The following CEP104 variants were observed in gnomAD, a reference collection of about 807,000 sequenced individuals.
CEP104 encodes the protein centrosomal protein of 104 kDa.
In CEP104, 84 loss-of-function variants were observed where a neutral mutation model predicts 113.3. The ratio of observed to expected loss-of-function variants is 0.74; its 90% CI spans 0.62 to 0.89. The LOEUF (loss-of-function observed/expected upper bound fraction) is 0.89, where lower values mean the gene tolerates loss of function less well. CEP104 is among the 40% of genes least tolerant of loss of function. The pLI is 0.00. For synonymous variants in CEP104, 378 were observed against 421.7 expected (o/e 0.90, Z 1.27); for missense variants, 1,053 against 1,156.6 (o/e 0.91, Z 1.30).
Position 3,823,423 on chromosome 1 carries a change from C to T in CEP104, c.2503+1G>A, listed in dbSNP as rs756171105. The T allele has an allele frequency of 2.1e-5, 34 of 1,614,108 alleles. No homozygotes were observed. Among genetic ancestry groups the T allele is most frequent in the African/African-American group, 4.0e-5 (3 of 74,926 alleles). ...ACGGGAGCCTGGGAAGGGGCACTCA[C>T]GGTTGCAATCCTTGTGTTTTATGTG... On this transcript the variant is annotated splice_donor_variant, in intron 19 of 21. Transcript: ENST00000378230. LOFTEE classifies it high-confidence loss of function. This position sits in a 1 kb window ranked among gnomAD's most constrained non-coding sequence, Gnocchi z 4.1.
chr1:3,824,243 C>T (rs553570501), intron 18 of CEP104, among the ~76,000 whole-genome samples: 7 of 152,252 alleles, frequency 4.6e-5, no homozygotes, highest in Non-Finnish European at 7.4e-5. Flanking sequence ...TACACCACCA[C>T]GCCTGGCTAA....
intron 1 of CEP104, among the ~76,000 whole-genome samples, chr1:3,854,805 T>C (rs12024538): frequency 0.33 from 50,178 of 150,750 alleles, 9,714 homozygotes; most frequent in Admixed American, 0.45. Flanking sequence ...AGGGCAGGGC[T>C]TGTCACTCCC....
chr1:3,846,904 G>C (rs1275412336), intron 4 of CEP104, among the ~76,000 whole-genome samples: 1 of 152,152 alleles, frequency 6.6e-6, no homozygotes, highest in Non-Finnish European at 1.5e-5. Flanking sequence ...GAAAGGGAGG[G>C]AGGAAGGAAG....
Position 3,829,818 on chromosome 1 carries a change from A to G in CEP104, c.2016T>C (p.Asp672=). ...TCATCTCAGCATCTGTAGCTCTGCC[A>G]TCTATTTTAGCAAATCCCTCAAAAA... The part of the protein sequence containing the change: ...KTIFEGFAKI[D]GRATDAEMRA... Residue 672 remains aspartate (D), a synonymous_variant, in exon 14 of 22, where the codon GAT becomes GAC. Coordinates refer to ENST00000378230, the MANE Select transcript of CEP104 (RefSeq NM_014704.4). 1 of 1,614,200 alleles carries G rather than the reference A, an allele frequency of 6.2e-7. No homozygotes were observed. The highest frequency in any genetic ancestry group is 1.3e-5 in the African/African-American group (1 of 75,062).
intron 20 of CEP104, 101 bp from the exon 21 acceptor site, chr1:3,816,471 G>A (rs1269145342): frequency 7.6e-6 from 7 of 923,022 alleles, no homozygotes; most frequent in Non-Finnish European, 1.1e-5. Flanking sequence ...AAACGAGGGC[G>A]GCCGCTCCAG....
At chr1:3,848,333 C>T (rs1644546264) in intron 3 of CEP104, among the ~76,000 whole-genome samples, 1 of 152,004 alleles carries the variant, frequency 6.6e-6, no homozygotes. Context: ...GAGATCGAGA[C>T]CATCCTGGCT....
intron 16 of CEP104, 89 bp downstream of exon 16, chr1:3,826,619 G>A (rs1016631463): frequency 2.2e-5 from 33 of 1,483,112 alleles, no homozygotes; most frequent in Middle Eastern, 1.7e-4. Flanking sequence ...GACAGAAGCC[G>A]TTCCCACATG....
chr1:3,847,366 CCT>C, intron 4 of CEP104, 107 bp downstream of exon 4: 1 of 1,101,382 alleles, frequency 9.1e-7, no homozygotes, highest in Non-Finnish European at 1.3e-6. Context: ...CAGAAGAGAT[CCT>C]CTCTTATAAG....
chr1:3,820,037 C>T (rs1055386582), intron 20 of CEP104, among the ~76,000 whole-genome samples: 4 of 152,022 alleles, frequency 2.6e-5, no homozygotes, highest in African/African-American at 9.7e-5. Flanking sequence ...CCAGGGAACC[C>T]GTGAGGTAAT....
chr1:3,854,240 C>T (rs1011221075), intron 1 of CEP104, among the ~76,000 whole-genome samples: 6 of 152,116 alleles, frequency 3.9e-5, no homozygotes, highest in African/African-American at 1.2e-4. Flanking sequence ...TGAAGCGCCT[C>T]CCTCAGACAA....
chr1:3,817,081 A>G (rs1643891524), intron 20 of CEP104, among the ~76,000 whole-genome samples: 1 of 152,220 alleles, frequency 6.6e-6, no homozygotes. Context: ...CTGTAATCCC[A>G]ACACTTTGGG....
At chr1:3,830,148 G>C (rs984600861) in intron 13 of CEP104, 151 bp from the exon 14 acceptor site, 37 of 622,576 alleles carry the variant, frequency 5.9e-5, no homozygotes, top group Non-Finnish European at 9.0e-5. Context: ...AAACCTCACG[G>C]ATCTACCGTC....
rs1557652119 is a variant in CEP104, at chr1:3,813,839, G to A, written c.*1563C>T. On this transcript the variant is annotated 3_prime_UTR_variant, in exon 22 of 22. Coordinates refer to ENST00000378230, the MANE Select transcript of CEP104 (RefSeq NM_014704.4). The stretch of plus-strand genomic sequence containing the variant: ...CACTGCAGCCCGGGCGACACAGTGA[G>A]ACTCCGTCGCAAACAAGCAGACAAA... The A allele has an allele frequency of 1.3e-5, 2 of 151,986 alleles. No individual in the cohort carries two copies. Among genetic ancestry groups the A allele is most frequent in the African/African-American group, 4.8e-5 (2 of 41,388 alleles). The allele number at this position is 151,986 out of a possible 1,614,324, so 9.4% of individuals were successfully genotyped here.
chr1:3,831,777 G>C (rs935324636), intron 12 of CEP104, among the ~76,000 whole-genome samples: 2 of 152,172 alleles, frequency 1.3e-5, no homozygotes, highest in African/African-American at 4.8e-5. Context: ...AAAAAAATAA[G>C]ATGTTGAATC....
At chr1:3,843,140 C>T (rs549682956) in intron 6 of CEP104, 32 of 660,194 alleles carry the variant, frequency 4.8e-5, no homozygotes, top group African/African-American at 3.2e-4. Flanking sequence ...TATGGCAGCC[C>T]TTCCCTTCTT....
chr1:3,836,861 G>A, intron 9 of CEP104, 169 bp from the exon 10 acceptor site: 1 of 607,278 alleles, frequency 1.6e-6, no homozygotes, highest in Non-Finnish European at 2.8e-6. Context: ...CAAATAGGAT[G>A]TAATTGAAAA....
Position 3,831,162 on chromosome 1 carries a change from G to T in CEP104, c.1720C>A (p.Pro574Thr), listed in dbSNP as rs768608887. 2 of 1,614,096 alleles carry T rather than the reference G, an allele frequency of 1.2e-6. No homozygotes were observed. Among genetic ancestry groups the T allele is most frequent in the African/African-American group, 2.7e-5 (2 of 74,942 alleles). ...TGAACTGAAGAGTTTGCTTTCAATGGCTGCACCAGGTAGGATGGAATAATT... is the reference window on the plus strand; with the variant it reads ...TGAACTGAAGAGTTTGCTTTCAATGTCTGCACCAGGTAGGATGGAATAATT... Reference protein sequence around the residue: ...LQIIPSYLVQPLKANSSVHLA... With the variant: ...LQIIPSYLVQTLKANSSVHLA... Residue 574 changes from proline (P) to threonine (T), a missense_variant, in exon 13 of 22, where the codon CCA becomes ACA. Pro to Thr is a conservative substitution (Grantham distance 38). Transcript: ENST00000378230.
intron 20 of CEP104, 120 bp from the exon 21 acceptor site, chr1:3,816,490 G>A (rs900416800): frequency 2.3e-5 from 16 of 700,180 alleles, no homozygotes; most frequent in Admixed American, 2.3e-4. Flanking sequence ...AGCAAGAGCC[G>A]CAGAAGAACG....
Position 3,833,942 on chromosome 1 carries a change from C to T in CEP104, c.1579G>A (p.Glu527Lys). ...GTGAGCAAAACGGGAATGGTCCTCT[C>T]CACACAGTGAGCTGTTTCAAGTTTA... ...LSKLETAHCV[E>K]RTIPVLLTRT... Residue 527 changes from glutamate (E) to lysine (K), a missense_variant, in exon 12 of 22, where the codon GAG (glutamate) becomes AAG (lysine). By Grantham distance (56) the Glu-to-Lys change is moderately conservative. Transcript: ENST00000378230. The T allele has an allele frequency of 6.2e-7, 1 of 1,614,102 alleles. No homozygotes were observed. Among genetic ancestry groups the T allele is most frequent in the Non-Finnish European group, 8.5e-7 (1 of 1,179,944 alleles).
Sources: gnomAD v4.1 joint callset for allele counts (sites outside exome capture counted in the v4.1 genomes callset) on GRCh38, gnomAD v4.1.1 for gene constraint, Gnocchi (gnomAD v3.1) non-coding constraint, MANE v1.5 for transcripts, NCBI Gene and HGNC (gene_info 2026-07-23, HGNC 2026-07-21) for gene names.